The following RUNX1T1 variants were observed in gnomAD, a reference collection of about 807,000 sequenced individuals.
The protein encoded by RUNX1T1 is protein CBFA2T1.
In RUNX1T1, 4 loss-of-function variants were observed where a neutral mutation model predicts 62.8. That is an observed-to-expected ratio of 0.06 (90% CI 0.03 to 0.15). The LOEUF is 0.15. RUNX1T1 is among the 10% of genes least tolerant of loss of function. RUNX1T1 has a pLI of 1.00. For missense variants in RUNX1T1, 508 were observed against 754.3 expected (o/e 0.67, Z 3.82); for synonymous variants, 291 against 286.0 (o/e 1.02, Z -0.18).
chr8:92,073,912 G>A (rs931721884), intron 2 of RUNX1T1, among the ~76,000 whole-genome samples: 2 of 152,034 alleles, frequency 1.3e-5, no homozygotes, highest in Non-Finnish European at 2.9e-5. Context: ...TGCCCAGACT[G>A]GTCTAGAACT....
intron 1 of RUNX1T1, among the ~76,000 whole-genome samples, chr8:92,034,859 T>A (rs28550757): frequency 0.22 from 31,471 of 141,878 alleles, 3,976 homozygotes; most frequent in African/African-American, 0.29. Context: ...ACCCAGCCAT[T>A]AAAAACAATC....
exon 3 of RUNX1T1, chr8:92,014,635 T>C: frequency 6.2e-7 from 1 of 1,613,728 alleles, no homozygotes; most frequent in East Asian, 2.2e-5. Flanking sequence ...GAAATGTCAT[T>C]GCCAAACTGC....
chr8:92,060,211 G>C (rs1831688749), intron 1 of RUNX1T1, among the ~76,000 whole-genome samples: 1 of 151,942 alleles, frequency 6.6e-6, no homozygotes, highest in Non-Finnish European at 1.5e-5. Context: ...TTTATAATGA[G>C]TTAAACAATT....
At chr8:92,081,553 T>A (rs868767245) in intron 1 of RUNX1T1, among the ~76,000 whole-genome samples, 14 of 150,878 alleles carry the variant, frequency 9.3e-5, no homozygotes, top group African/African-American at 2.2e-4. Flanking sequence ...TTTTTTTTTT[T>A]AAATCTAATT....
chr8:91,986,452 A>G (rs1216183572), intron 7 of RUNX1T1, 127 bp from the exon 9 acceptor site: 12 of 697,216 alleles, frequency 1.7e-5, no homozygotes, highest in African/African-American at 8.9e-5. Flanking sequence ...GTTTCAGTCT[A>G]GTATTTTCTA....
intron 3 of RUNX1T1, among the ~76,000 whole-genome samples, chr8:92,013,850 C>T (rs7844067): frequency 0.25 from 38,299 of 151,890 alleles, 5,307 homozygotes; most frequent in African/African-American, 0.37. Context: ...AAAGAATTAG[C>T]GTTTACCAGG....
chr8:91,985,994 G>T, intron 8 of RUNX1T1, 130 bp downstream of exon 9: 1 of 730,788 alleles, frequency 1.4e-6, no homozygotes, highest in Non-Finnish European at 2.4e-6. Context: ...AAGACATATT[G>T]GAGGATATGT....
At position 92,085,332 on chromosome 8, in the gene RUNX1T1, C is replaced by A. The variant is rs1441782048; in HGVS notation, c.-85-9195G>T. 2.6e-5 allele frequency among the ~76,000 whole-genome samples: 4 copies of A among 152,268 alleles called. No individual in the cohort carries two copies. In the East Asian group the frequency reaches 7.7e-4, roughly 29 times the overall value. ...GCTCCTTCCACCACTACTTCCTGGC[C>A]CTGCTTTCTTCCCTAACAGCAAGCA... On this transcript the variant is annotated intron_variant, in intron 1 of 11. Transcript: ENST00000265814.
In RUNX1T1 at chr8:92,023,376, C is replaced by A. The variant is rs575769516; in HGVS notation, c.8-6013G>T. On this transcript the variant is annotated intron_variant, in intron 1 of 10. Transcript: ENST00000396218. Reference sequence around the variant, plus strand: ...AACACAAAGATGACCACCCTGAAAACATATATTTGATAATGAAGTGACCAC... The same window carrying A: ...AACACAAAGATGACCACCCTGAAAAAATATATTTGATAATGAAGTGACCAC... 2.2e-4 allele frequency among the ~76,000 whole-genome samples: 33 copies of A among 152,210 alleles called. No homozygotes were observed. The South Asian group carries it at 6.9e-3, about 32-fold the overall frequency.
intron 1 of RUNX1T1, among the ~76,000 whole-genome samples, chr8:92,031,048 T>A (rs1035528888): frequency 6.6e-6 from 1 of 152,312 alleles, no homozygotes; most frequent in African/African-American, 2.4e-5. Context: ...TATATTTCAA[T>A]CTCTGGGCAT....
intron 1 of RUNX1T1, among the ~76,000 whole-genome samples, chr8:92,025,080 C>T (rs1274654923): frequency 6.6e-6 from 1 of 152,148 alleles, no homozygotes; most frequent in East Asian, 1.9e-4. Context: ...AAATTCTAGA[C>T]CCAAACTTCC....
At chr8:91,988,013 T>A (rs1361521200) in intron 6 of RUNX1T1, among the ~76,000 whole-genome samples, 3 of 152,176 alleles carry the variant, frequency 2.0e-5, no homozygotes, top group Admixed American at 6.5e-5. Context: ...TAAAGTTTCT[T>A]ATAGTTTGGG....
intron 1 of RUNX1T1, among the ~76,000 whole-genome samples, chr8:92,060,960 C>T (rs1831939111): frequency 6.6e-6 from 1 of 151,928 alleles, no homozygotes; most frequent in African/African-American, 2.4e-5. Flanking sequence ...AAGCAGTGCC[C>T]ACACTTCAGG....
At chr8:92,012,577 G>C (rs1173300914) in intron 3 of RUNX1T1, among the ~76,000 whole-genome samples, 5 of 151,802 alleles carry the variant, frequency 3.3e-5, no homozygotes, top group Non-Finnish European at 5.9e-5. Context: ...ATGTTTAAAA[G>C]AAAAAACAAA....
intron 1 of RUNX1T1, among the ~76,000 whole-genome samples, chr8:92,039,980 C>T (rs1184339809): frequency 1.3e-5 from 2 of 152,166 alleles, no homozygotes; most frequent in Middle Eastern, 3.2e-3. Context: ...GTGATGTTAA[C>T]GTTCAAACCC....
chr8:91,974,160 G>A (rs1813425802), intron 9 of RUNX1T1, among the ~76,000 whole-genome samples: 1 of 152,010 alleles, frequency 6.6e-6, no homozygotes, highest in African/African-American at 2.4e-5. Context: ...AATAATAGTG[G>A]AGTCAATAGA....
At chr8:92,075,925 T>C (rs1415882663) in intron 2 of RUNX1T1, 40 bp downstream of exon 2, 3 of 1,557,096 alleles carry the variant, frequency 1.9e-6, no homozygotes, top group Non-Finnish European at 2.6e-6. Flanking sequence ...TTCTGGTACG[T>C]AAGTAAATTG....
intron 8 of RUNX1T1, among the ~76,000 whole-genome samples, chr8:91,984,432 G>A (rs1816109128): frequency 6.6e-6 from 1 of 152,164 alleles, no homozygotes; most frequent in Admixed American, 6.5e-5. Flanking sequence ...AATTGAGGTA[G>A]CTATCCTATG....
chr8:91,994,998 T>A (rs1818398980), intron 5 of RUNX1T1, among the ~76,000 whole-genome samples: 1 of 152,216 alleles, frequency 6.6e-6, no homozygotes, highest in South Asian at 2.1e-4. Context: ...GGCAACCACC[T>A]TAGCCAAGTT....
Sources: gnomAD v4.1 joint callset for allele counts (sites outside exome capture counted in the v4.1 genomes callset) on GRCh38, gnomAD v4.1.1 for gene constraint, MANE v1.5 for transcripts, NCBI Gene and HGNC (gene_info 2026-07-23, HGNC 2026-07-21) for gene names.